The following TRPV5 variants were observed in gnomAD, a reference collection of about 807,000 sequenced individuals.
The protein encoded by TRPV5 is transient receptor potential cation channel subfamily V member 5, also known as calcium transport protein 2.
In TRPV5, 66 loss-of-function variants were observed where a neutral mutation model predicts 74.1. The ratio of observed to expected loss-of-function variants is 0.89; its 90% confidence interval spans 0.73 to 1.09. The LOEUF is 1.09. Among genes scored for constraint, TRPV5 ranks in the 50% least tolerant of loss-of-function variants. The pLI, the probability that TRPV5 is intolerant of heterozygous loss-of-function variation, is 0.00. For synonymous variants in TRPV5, 399 were observed against 360.7 expected, an observed-to-expected ratio of 1.11 and a Z score of -1.20; for missense variants, 936 against 930.4, an observed-to-expected ratio of 1.01 and a Z score of -0.08.
At chr7:142,908,892 G>C in intron 14 of TRPV5, 84 bp from the exon 15 acceptor site, 1 of 1,356,774 alleles carries the variant, frequency 7.4e-7, no homozygotes, top group East Asian at 2.3e-5. Flanking sequence ...TTAGAAAGCA[G>C]GGTCAAGAGG....
rs1795715897 is a variant in TRPV5 at position 142,912,484 on chromosome 7, G to C, written c.1786C>G (p.Gln596Glu). ...AQERDELWRAQVVATTVMLER... is the reference protein window; with the variant it reads ...AQERDELWRAEVVATTVMLER... ...AAGACTAACACAAATAAACTCACCT[G>C]GGCCCTCCAGAGCTCATCCCTCTCC... Residue 596 changes from glutamine to glutamate, a missense_variant and splice_region_variant, in exon 13 of 15, where the codon CAG becomes GAG. Transcript: ENST00000265310. 6.2e-7 allele frequency: 1 copy of C among 1,612,596 alleles called. No homozygotes were observed. Among genetic ancestry groups the C allele is most frequent in the East Asian group, 2.2e-5 (1 of 44,848 alleles).
In TRPV5 at chr7:142,927,965, C is replaced by T. The variant is rs886086523; in HGVS notation, c.909+123G>A. On this transcript the variant is annotated intron_variant, in intron 7 of 14. Transcript: ENST00000265310. ...TTCCCCCATGTCCCAGGAGACTATT[C>T]TCATCTCCACCTATTATAAGGCTGG... The T allele has an allele frequency of 2.0e-5, 24 of 1,211,232 alleles. No homozygotes were observed. The Admixed American group carries it at 5.0e-4, about 25-fold the overall frequency. The allele number at this position is 1,211,232 out of a possible 1,614,324, so 75.0% of individuals were successfully genotyped here. A position where few individuals can be genotyped will look rare whatever the true frequency, so the allele number is the denominator to read the frequency against.
chr7:142,928,317 G>A (rs754581431), intron 6 of TRPV5, 83 bp from the exon 7 acceptor site: 1 of 1,484,424 alleles, frequency 6.7e-7, no homozygotes, highest in Non-Finnish European at 9.4e-7. Flanking sequence ...GGAGCCAGTT[G>A]CCCACCCCTT....
At chr7:142,913,704 G>T (rs1401537169) in intron 12 of TRPV5, among the ~76,000 whole-genome samples, 1 of 152,106 alleles carries the variant, frequency 6.6e-6, no homozygotes, top group Non-Finnish European at 1.5e-5. Flanking sequence ...TTTTGTTTTG[G>T]TCTGTTGTTT....
At position 142,912,586 on chromosome 7, in the gene TRPV5, A is replaced by G. The variant is rs561274500; in HGVS notation, c.1684T>C (p.Phe562Leu). The G allele has an allele frequency of 1.9e-6, 3 of 1,613,936 alleles. No individual in the cohort carries two copies. In the South Asian group the frequency reaches 3.3e-5, roughly 18 times the overall value. The stretch of plus-strand genomic sequence containing the variant: ...ATGAGCAGTGTGGCAATGATGGTGA[A>G]GGCGAAGTTGACAATGCTGAACATG... ...PFMFSIVNFA[F>L]TIIATLLMLN... The change falls in exon 13 of 15, where the codon TTC becomes CTC. Residue 562 changes from phenylalanine to leucine, a missense_variant. Transcript: ENST00000265310.
intron 10 of TRPV5, 26 bp downstream of exon 10, chr7:142,915,281 G>A (rs369527340): frequency 1.1e-4 from 181 of 1,607,290 alleles, no homozygotes; most frequent in Non-Finnish European, 1.4e-4. Flanking sequence ...AGGAAAGGCA[G>A]GGGGCTGGAA....
At chr7:142,928,328 G>GAGAC in intron 6 of TRPV5, 94 bp from the exon 7 acceptor site, 1 of 1,326,410 alleles carries the variant, frequency 7.5e-7, no homozygotes, top group Non-Finnish European at 1.1e-6. Flanking sequence ...CCCACCCCTT[G>GAGAC]AGACAGACAG....
At chr7:142,925,139 C>T (rs981246482) in intron 8 of TRPV5, 37 of 407,940 alleles carry the variant, frequency 9.1e-5, no homozygotes, top group African/African-American at 7.4e-4. Flanking sequence ...GTCTGTGTTG[C>T]CCAAATACAA....
chr7:142,932,703 G>A (rs1289530961), intron 1 of TRPV5, among the ~76,000 whole-genome samples: 6 of 152,176 alleles, frequency 3.9e-5, no homozygotes, highest in Non-Finnish European at 8.8e-5. Flanking sequence ...TTTACCTGCA[G>A]GTGTGCTAGC....
chr7:142,929,979 T>TC, intron 3 of TRPV5, 79 bp downstream of exon 3: 2 of 1,600,752 alleles, frequency 1.2e-6, no homozygotes, highest in Non-Finnish European at 1.7e-6. Flanking sequence ...AACCCATCCT[T>TC]CAGAGGCCAA....
chr7:142,930,268 C>T, intron 2 of TRPV5, 81 bp downstream of exon 2: 2 of 1,610,450 alleles, frequency 1.2e-6, no homozygotes, highest in Non-Finnish European at 1.7e-6. Context: ...CTCCAAGGCC[C>T]TATTTCACAA....
At chr7:142,921,737 T>C (rs1795888784) in intron 8 of TRPV5, among the ~76,000 whole-genome samples, 1 of 152,172 alleles carries the variant, frequency 6.6e-6, no homozygotes, top group South Asian at 2.1e-4. Context: ...TCCTTCTGAC[T>C]TCCCATCCCC....
chr7:142,929,960 C>T (rs766748710), intron 3 of TRPV5, 98 bp downstream of exon 3: 128 of 1,580,916 alleles, frequency 8.1e-5, no homozygotes, highest in Non-Finnish European at 1.0e-4. Context: ...CCCTCCATCA[C>T]CCCACCCCAA....
In TRPV5 at chr7:142,915,382, A is replaced by G. The variant is rs1001576633; in HGVS notation, c.1211T>C (p.Ile404Thr). 7 of 1,607,456 alleles carry G rather than the reference A, an allele frequency of 4.4e-6. No individual in the cohort carries two copies. The highest frequency in any genetic ancestry group is 5.9e-6 in the Non-Finnish European group (7 of 1,178,458). ...VGAVIILLLE[I>T]PDIFRVGASR... ...GGCACCAACCCTGAAGATGTCTGGAATCTGGGGAGAGGACGGCAAAGCAAA... is the reference window on the plus strand; with the variant it reads ...GGCACCAACCCTGAAGATGTCTGGAGTCTGGGGAGAGGACGGCAAAGCAAA... The change falls in exon 10 of 15, where the codon ATT becomes ACT. Residue 404 changes from isoleucine to threonine, a missense_variant and splice_region_variant. Physicochemically the swap from Ile to Thr is moderately conservative, Grantham distance 89. Coordinates refer to ENST00000265310, the MANE Select transcript of TRPV5 (RefSeq NM_019841.7).
chr7:142,908,894 G>T, intron 14 of TRPV5, 86 bp from the exon 15 acceptor site: 1 of 1,363,356 alleles, frequency 7.3e-7, no homozygotes, highest in Non-Finnish European at 1.0e-6. Context: ...AGAAAGCAGG[G>T]TCAAGAGGGA....
Position 142,929,002 on chromosome 7 carries a change from C to A in TRPV5, c.586+20G>T, listed in dbSNP as rs772191439. The A allele has an allele frequency of 1.9e-6, 3 of 1,613,752 alleles. No individual in the cohort carries two copies. The East Asian group carries it at 6.7e-5, about 36-fold the overall frequency. On this transcript the variant is annotated intron_variant, in intron 5 of 14. Transcript: ENST00000265310. Reference sequence around the variant, plus strand: ...CGCTCCCCACAGCATCCCAGCTCCCCTCCCCATCCCAGCTCTTACCCAGGG... The same window carrying A: ...CGCTCCCCACAGCATCCCAGCTCCCATCCCCATCCCAGCTCTTACCCAGGG...
At chr7:142,924,341 T>TATATATACATATACATGTATATATATAC (rs1795942052) in intron 8 of TRPV5, among the ~76,000 whole-genome samples, 3,458 of 12,726 alleles carry the variant, frequency 0.27, 611 homozygotes, top group African/African-American at 0.3. Flanking sequence ...TATATACATA[T>TATATATACATATACATGTATATATATAC]ATATATATAT....
chr7:142,908,629 G>A lies in TRPV5; in HGVS notation c.2075C>T (p.Ala692Val), dbSNP rs150154828. The A allele has an allele frequency of 5.5e-5, 89 of 1,614,106 alleles. No individual in the cohort carries two copies. The highest frequency in any genetic ancestry group is 2.4e-4 in the African/African-American group (18 of 74,936). ...GCCTCGGTGACTGCTGCTCTGGGAC[G>A]CGGTCCGGGACAGGGAGGAAGTTGG... The part of the protein sequence containing the change: ...ALPTSSLSRT[A>V]SQSSSHRGWE... The change falls in exon 15 of 15, where the codon GCG becomes GTG. Residue 692 changes from alanine (A) to valine (V), a missense_variant. Coordinates refer to ENST00000265310, the MANE Select transcript of TRPV5 (RefSeq NM_019841.7).
chr7:142,925,614 C>G lies in TRPV5; in HGVS notation c.1037G>C (p.Cys346Ser), dbSNP rs754476339. ...AAACTTAAGGGGGCGGTAGACGCAG[C>G]ACGTAGTAAAGCAGATCATGTAGAG... ...YLLYMICFTT[C>S]CVYRPLKFRG... The change falls in exon 8 of 15, where the codon TGC (cysteine) becomes TCC (serine). Residue 346 changes from cysteine to serine, a missense_variant. Coordinates refer to ENST00000265310, the MANE Select transcript of TRPV5 (RefSeq NM_019841.7). 6.2e-7 allele frequency: 1 copy of G among 1,614,156 alleles called. No individual in the cohort carries two copies. The highest frequency in any genetic ancestry group is 1.1e-5 in the South Asian group (1 of 91,082).
Sources: gnomAD v4.1 joint callset for allele counts (sites outside exome capture counted in the v4.1 genomes callset) on GRCh38, gnomAD v4.1.1 for gene constraint, MANE v1.5 for transcripts, NCBI Gene and HGNC (gene_info 2026-07-23, HGNC 2026-07-21) for gene names.